Variants in DIXDC1 observed in about 807,000 individuals in gnomAD.
DIXDC1 encodes the protein dixin.
DIXDC1 carries 64 observed loss-of-function variants against 103.1 expected under a neutral mutation model. That is an observed-to-expected ratio of 0.62 (90% CI 0.51 to 0.76). The LOEUF (loss-of-function observed/expected upper bound fraction) is 0.76, where lower values mean the gene tolerates loss of function less well. DIXDC1 is among the 30% of genes least tolerant of loss of function. DIXDC1 has a pLI of 0.00. For missense variants in DIXDC1, 759 were observed against 834.2 expected (o/e 0.91, Z 1.11); for synonymous variants, 266 against 298.5 (o/e 0.89, Z 1.12).
chr11:111,984,451 C>A (rs933220564), intron 7 of DIXDC1, among the ~76,000 whole-genome samples: 7 of 152,152 alleles, frequency 4.6e-5, no homozygotes, highest in Non-Finnish European at 1.0e-4. Context: ...GAGGCTGAGA[C>A]ATGAGACTTG....
chr11:111,950,399 G>T (rs1179075872), intron 1 of DIXDC1, among the ~76,000 whole-genome samples: 2 of 106,996 alleles, frequency 1.9e-5, no homozygotes, highest in Non-Finnish European at 3.8e-5. Flanking sequence ...ATTTTTGTGG[G>T]TACAAAGTAG....
At position 111,982,355 on chromosome 11, in the gene DIXDC1, A is replaced by G. The variant is rs782384942; in HGVS notation, c.786A>G (p.Pro262=). ...ATTTTTTAGAAGGGACAGATTCTCC[A>G]TTATCTCGAGACTGGCGGCCAGGGA... ...IENRTEGTDS[P]LSRDWRPGSP... is the part of the protein sequence containing the mutation. The change falls in exon 7 of 20, where the codon CCA becomes CCG. Residue 262 remains proline, a synonymous_variant. Transcript: ENST00000440460. 6 of 1,613,606 alleles carry G rather than the reference A, an allele frequency of 3.7e-6. No homozygotes were observed. In the East Asian group the frequency reaches 1.1e-4, roughly 30 times the overall value.
intron 11 of DIXDC1, 104 bp from the exon 12 acceptor site, chr11:111,992,847 C>A: frequency 8.7e-7 from 1 of 1,150,766 alleles, no homozygotes; most frequent in Non-Finnish European, 1.3e-6. Flanking sequence ...CCTCTCTGTG[C>A]TGCATACTGT....
At chr11:111,999,591 G>T (rs1316109980) in intron 17 of DIXDC1, among the ~76,000 whole-genome samples, 1 of 152,214 alleles carries the variant, frequency 6.6e-6, no homozygotes, top group Non-Finnish European at 1.5e-5. Context: ...TGGGCTGGGC[G>T]CAGTGCCTTA....
rs1555173180 is a variant in DIXDC1 at position 111,980,832 on chromosome 11, GA to G, written c.754del (p.Ile252Ter). Reference protein sequence around the residue: ...KADFVIIPAEGIENRTEGTDS... With the variant: ...KADFVIIPAEXIENRTEGTDS... Reference sequence around the variant, plus strand: ...GATTTTGTGATTATTCCCGCTGAAGGAATAGAGAACAGAACAGGTACTATCT... The same window carrying G: ...GATTTTGTGATTATTCCCGCTGAAGGATAGAGAACAGAACAGGTACTATCT... On this transcript the variant is annotated frameshift_variant, in exon 6 of 20. Transcript: ENST00000440460. LOFTEE classifies it high-confidence loss of function. 1.9e-6 allele frequency: 3 copies of G among 1,613,798 alleles called. No homozygotes were observed. Among genetic ancestry groups the G allele is most frequent in the Non-Finnish European group, 2.5e-6 (3 of 1,179,750 alleles).
At chr11:112,008,926 C>T (rs185350618) in intron 17 of DIXDC1, among the ~76,000 whole-genome samples, 3 of 152,010 alleles carry the variant, frequency 2.0e-5, no homozygotes, top group East Asian at 1.9e-4. Context: ...GAAATTCAAA[C>T]GCTAGCAAAA....
rs144759644 is a variant in DIXDC1 at position 111,938,970 on chromosome 11, G to A, written c.60+1411G>A. Among the ~76,000 whole-genome samples the A allele has an allele frequency of 2.7e-4, 41 of 152,348 alleles. 1 individual carries two copies. Among genetic ancestry groups the A allele is most frequent in the Middle Eastern group, 3.4e-3 (1 of 294 alleles). On this transcript the variant is annotated intron_variant, in intron 1 of 19. Transcript: ENST00000440460. ...GCTGTAGTCTAAGAGTTGAAACACA[G>A]AAGAGCCGGGAAGCCTACCTCTGAG...
At chr11:111,992,207 T>C (rs1279133485) in intron 10 of DIXDC1, among the ~76,000 whole-genome samples, 1 of 152,076 alleles carries the variant, frequency 6.6e-6, no homozygotes, top group Non-Finnish European at 1.5e-5. Context: ...CATAGAACAG[T>C]GGATAGGATT....
At chr11:111,942,865 C>T (rs1178938359) in intron 1 of DIXDC1, among the ~76,000 whole-genome samples, 2 of 152,126 alleles carry the variant, frequency 1.3e-5, no homozygotes, top group Admixed American at 6.5e-5. Flanking sequence ...AACCTGACTG[C>T]CATCAGTCGG....
At chr11:111,937,140 G>GT (rs1163664545), upstream of DIXDC1, 4 of 749,804 alleles carry the variant, frequency 5.3e-6, no homozygotes, top group Non-Finnish European at 6.5e-6. Flanking sequence ...GCGGGGGGGG[G>GT]GTGTGCGCGT....
At chr11:111,991,208 G>A (rs899325275) in intron 10 of DIXDC1, among the ~76,000 whole-genome samples, 1 of 152,134 alleles carries the variant, frequency 6.6e-6, no homozygotes, top group Non-Finnish European at 1.5e-5. Flanking sequence ...TGTGTTCCAC[G>A]GTCAGATAAG....
chr11:111,938,808 G>A (rs1343180047), intron 1 of DIXDC1, among the ~76,000 whole-genome samples: 1 of 152,178 alleles, frequency 6.6e-6, no homozygotes, highest in Non-Finnish European at 1.5e-5. Context: ...CAACCTAACC[G>A]AGTTGGAATT....
At chr11:111,937,131 C>CG (rs782420161), upstream of DIXDC1, 28,804 of 455,430 alleles carry the variant, frequency 0.063, 716 homozygotes, top group Non-Finnish European at 0.066. Flanking sequence ...GCGGCCCGGG[C>CG]GGGGGGGGGG....
chr11:111,949,749 T>TGAA (rs1966715054), intron 1 of DIXDC1, among the ~76,000 whole-genome samples: 1 of 152,170 alleles, frequency 6.6e-6, no homozygotes, highest in Non-Finnish European at 1.5e-5. Flanking sequence ...TGGCTGTTCC[T>TGAA]CTAAGATAGT....
At chr11:111,931,462 G>C (rs1966014342) in intron 2 of DIXDC1, among the ~76,000 whole-genome samples, 1 of 152,142 alleles carries the variant, frequency 6.6e-6, no homozygotes, top group Admixed American at 6.5e-5. Flanking sequence ...GGCCAACATA[G>C]TGAAACCCCA....
upstream of DIXDC1, among the ~76,000 whole-genome samples, chr11:111,937,007 ATG>A (rs1321066228): frequency 1.4e-5 from 2 of 146,830 alleles, no homozygotes; most frequent in African/African-American, 2.5e-5. Context: ...GTATGTGTGT[ATG>A]TGTGTATGTG....
In DIXDC1 at chr11:112,019,141, G is replaced by T. The variant is rs1438224566; in HGVS notation, c.*105G>T. ...ATACACTAAGAAGTTTCTAGTTTGT[G>T]TGCCAAAACAGAAGCTTCTCCAAGC... On this transcript the variant is annotated 3_prime_UTR_variant, in exon 20 of 20. Coordinates refer to ENST00000440460, the MANE Select transcript of DIXDC1 (RefSeq NM_001037954.4). 2 of 945,120 alleles carry T rather than the reference G, an allele frequency of 2.1e-6. No individual in the cohort carries two copies. Among genetic ancestry groups the T allele is most frequent in the Admixed American group, 4.8e-5 (2 of 42,060 alleles). 58.5% of individuals were successfully genotyped at this position (945,120 alleles called of 1,614,324 possible).
intron 17 of DIXDC1, among the ~76,000 whole-genome samples, chr11:112,015,815 T>TTC (rs1861571160): frequency 7.7e-6 from 1 of 129,200 alleles, no homozygotes; most frequent in African/African-American, 2.9e-5. Flanking sequence ...TTTTTTTTTT[T>TTC]TTTTTTTGCG....
chr11:111,983,024 C>T (rs1451681508), intron 7 of DIXDC1, among the ~76,000 whole-genome samples: 1 of 152,228 alleles, frequency 6.6e-6, no homozygotes, highest in African/African-American at 2.4e-5. Context: ...TCAGTTTTTC[C>T]TATACCTGTA....
Sources: gnomAD v4.1 joint callset for allele counts (sites outside exome capture counted in the v4.1 genomes callset) on GRCh38, gnomAD v4.1.1 for gene constraint, MANE v1.5 for transcripts, NCBI Gene and HGNC (gene_info 2026-07-23, HGNC 2026-07-21) for gene names.